Variants in SPTLC3 observed in about 807,000 individuals in gnomAD.
The protein encoded by SPTLC3 is serine palmitoyltransferase long chain base subunit 3.
In SPTLC3, 36 loss-of-function variants were observed where a neutral mutation model predicts 59.3. The observed-to-expected ratio is 0.61, with a 90% CI of 0.47 to 0.80. The LOEUF (loss-of-function observed/expected upper bound fraction) is 0.80. Among genes scored for constraint, SPTLC3 ranks in the 30% least tolerant of loss-of-function variants. The pLI is 0.00. For missense variants in SPTLC3, 625 were observed against 685.1 expected, an observed-to-expected ratio of 0.91 and a Z score of 0.98; for synonymous variants, 257 against 240.8, an observed-to-expected ratio of 1.07 and a Z score of -0.62.
chr20:13,126,049 AT>A lies in SPTLC3; in HGVS notation c.1153-540del, dbSNP rs1406556345. Among the ~76,000 whole-genome samples the A allele has an allele frequency of 3.3e-4, 50 of 151,856 alleles. No homozygotes were observed. The South Asian group carries it at 0.01, about 32-fold the overall frequency. On this transcript the variant is annotated intron_variant, in intron 8 of 11. Transcript: ENST00000399002. The stretch of plus-strand genomic sequence containing the variant: ...TTTCTTTTCCCCCTTAATTATCTTC[AT>A]TCTTCAAGGCCTAATCATATCTCCT...
intron 9 of SPTLC3, among the ~76,000 whole-genome samples, chr20:13,132,389 C>T: frequency 6.6e-6 from 1 of 152,108 alleles, no homozygotes; most frequent in Admixed American, 6.5e-5. Flanking sequence ...GTTGGCCGGG[C>T]TGATCTTGAG....
At chr20:13,099,379 C>T (rs751777358) in intron 6 of SPTLC3, among the ~76,000 whole-genome samples, 2 of 152,118 alleles carry the variant, frequency 1.3e-5, no homozygotes, top group Non-Finnish European at 2.9e-5. Flanking sequence ...TTCACCCAGT[C>T]GAACCCATTT....
intron 6 of SPTLC3, among the ~76,000 whole-genome samples, chr20:13,108,786 C>G (rs765491826): frequency 6.6e-6 from 1 of 152,034 alleles, no homozygotes; most frequent in Non-Finnish European, 1.5e-5. Flanking sequence ...ATGTTGGTCC[C>G]GAACTCCTGA....
chr20:13,105,198 C>T (rs373459046), intron 6 of SPTLC3, among the ~76,000 whole-genome samples: 1 of 152,014 alleles, frequency 6.6e-6, no homozygotes, highest in Non-Finnish European at 1.5e-5. Context: ...CCAGGCCGAG[C>T]GCAGTCTTCC....
In SPTLC3 at chr20:13,063,945, T is replaced by C. The variant is rs547462175; in HGVS notation, c.304-8311T>C. 4.9e-4 allele frequency among the ~76,000 whole-genome samples: 75 copies of C among 151,838 alleles called. No individual in the cohort carries two copies. The Middle Eastern group carries it at 0.01, about 21-fold the overall frequency. On this transcript the variant is annotated intron_variant, in intron 2 of 11. Coordinates refer to ENST00000399002, the MANE Select transcript of SPTLC3 (RefSeq NM_018327.4). ...TGCTGGGATTACAGGCATGAGCCAC[T>C]GCACCTGATCAATTTTTTTAAAGAT...
intron 9 of SPTLC3, among the ~76,000 whole-genome samples, chr20:13,130,790 A>G (rs1049009065): frequency 6.6e-6 from 1 of 152,216 alleles, no homozygotes; most frequent in African/African-American, 2.4e-5. Context: ...CAATGTTGTA[A>G]GCCCCTTAAG....
At position 13,110,166 on chromosome 20, in the gene SPTLC3, G is replaced by A. The variant is rs201594440; in HGVS notation, c.881G>A (p.Arg294Gln). 1.1e-4 allele frequency: 176 copies of A among 1,613,370 alleles called. No homozygotes were observed. The highest frequency in any genetic ancestry group is 1.4e-4 in the Non-Finnish European group (160 of 1,179,730). ...LRDAVIYGQP[R>Q]TRRAWKKILI... is the part of the protein sequence containing the mutation. ...GATGCTGTCATCTATGGCCAGCCTC[G>A]AACCCGCAGAGCTTGGAAAAAGATT... Residue 294 changes from arginine to glutamine, a missense_variant, in exon 7 of 12, where the codon CGA (arginine) becomes CAA (glutamine). Arg to Gln is a conservative substitution (Grantham distance 43). Coordinates refer to ENST00000399002, the MANE Select transcript of SPTLC3 (RefSeq NM_018327.4).
chr20:13,154,939 G>A (rs1345443489), intron 10 of SPTLC3, among the ~76,000 whole-genome samples: 1 of 152,180 alleles, frequency 6.6e-6, no homozygotes, highest in Admixed American at 6.5e-5. Flanking sequence ...CCAGCACTTT[G>A]GGAGGCTGAG....
chr20:13,036,870 G>C (rs1391821045), intron 1 of SPTLC3, among the ~76,000 whole-genome samples: 1 of 152,114 alleles, frequency 6.6e-6, no homozygotes, highest in Non-Finnish European at 1.5e-5. Flanking sequence ...CTGACTGATG[G>C]ATCCTTTCCA....
intron 7 of SPTLC3, among the ~76,000 whole-genome samples, chr20:13,116,037 T>C (rs538666872): frequency 6.3e-4 from 96 of 152,170 alleles, no homozygotes; most frequent in Non-Finnish European, 1.1e-3. Flanking sequence ...AAAAGACAAC[T>C]GTATTTGGCC....
intron 2 of SPTLC3, among the ~76,000 whole-genome samples, chr20:13,062,024 C>G (rs1023781532): frequency 1.3e-5 from 2 of 152,134 alleles, no homozygotes; most frequent in Admixed American, 1.3e-4. Context: ...GCTTCAGACA[C>G]TAGGACCTCC....
In SPTLC3 at chr20:13,116,720, G is replaced by C. The variant is rs1034779836; in HGVS notation, c.933-786G>C. On this transcript the variant is annotated intron_variant, in intron 7 of 11. Transcript: ENST00000399002. ...AAACAGTTAGGGCTAAAACAAAAGA[G>C]TTCATCTACAGCAGTGGCCCTCTAT... Among the ~76,000 whole-genome samples the C allele has an allele frequency of 5.9e-5, 9 of 152,300 alleles. 1 individual carries two copies. Among genetic ancestry groups the C allele is most frequent in the Admixed American group, 1.3e-4 (2 of 15,298 alleles).
At chr20:13,083,506 G>T (rs923011326) in intron 4 of SPTLC3, among the ~76,000 whole-genome samples, 6 of 152,106 alleles carry the variant, frequency 3.9e-5, no homozygotes, top group Non-Finnish European at 7.4e-5. Context: ...TACAGAAGGA[G>T]TAATGAAATC....
chr20:13,118,287 C>T (rs1990683105), intron 8 of SPTLC3, among the ~76,000 whole-genome samples: 1 of 150,956 alleles, frequency 6.6e-6, no homozygotes, highest in Admixed American at 6.6e-5. Flanking sequence ...ATATTCTCTG[C>T]AAAAAAAATT....
chr20:13,117,478 GT>G (rs1990624976), intron 7 of SPTLC3, 27 bp from the exon 8 acceptor site: 2 of 1,547,010 alleles, frequency 1.3e-6, no homozygotes, highest in East Asian at 4.5e-5. Context: ...GTATTTGTTA[GT>G]TATGAGCATT....
intron 1 of SPTLC3, among the ~76,000 whole-genome samples, chr20:13,041,726 C>A (rs1451974725): frequency 2.0e-5 from 3 of 152,104 alleles, no homozygotes; most frequent in African/African-American, 7.2e-5. Flanking sequence ...ATACTAATCA[C>A]TGCCCTCCCC....
rs2038994742 is a variant in SPTLC3, at chr20:13,167,206, T to C, written c.*2339T>C. 1 of 152,194 alleles carries C rather than the reference T, an allele frequency of 6.6e-6. No individual in the cohort carries two copies. Among genetic ancestry groups the C allele is most frequent in the African/African-American group, 2.4e-5 (1 of 41,446 alleles). 9.4% of individuals were successfully genotyped at this position (152,194 alleles called of 1,614,324 possible). A position where few individuals can be genotyped will look rare whatever the true frequency, so the allele number is the denominator to read the frequency against. On this transcript the variant is annotated 3_prime_UTR_variant, in exon 12 of 12. Transcript: ENST00000399002. The stretch of plus-strand genomic sequence containing the variant: ...TTGTGAATAATGAGATTTTTAATTT[T>C]TTTAAGAAAAAGCTCTCAAATGCTA...
At chr20:13,143,215 G>A (rs777495006) in intron 9 of SPTLC3, among the ~76,000 whole-genome samples, 20 of 152,260 alleles carry the variant, frequency 1.3e-4, no homozygotes, top group East Asian at 3.9e-4. Context: ...TGTAGGTGCC[G>A]CAGGTCAGTT....
intron 6 of SPTLC3, among the ~76,000 whole-genome samples, chr20:13,107,610 A>T (rs193003554): frequency 1.3e-4 from 20 of 152,302 alleles, no homozygotes; most frequent in Admixed American, 1.3e-3. Context: ...AAAAACAAAG[A>T]AAAGGAAAGT....
Sources: gnomAD v4.1 joint callset for allele counts (sites outside exome capture counted in the v4.1 genomes callset) on GRCh38, gnomAD v4.1.1 for gene constraint, MANE v1.5 for transcripts, NCBI Gene and HGNC (gene_info 2026-07-23, HGNC 2026-07-21) for gene names.